Variants in ATG4B observed in about 807,000 individuals in gnomAD.
The protein encoded by ATG4B is autophagy related 4B cysteine peptidase.
ATG4B carries 29 observed loss-of-function variants against 56.6 expected under a neutral mutation model. That is an observed-to-expected ratio of 0.51 (90% confidence interval 0.38 to 0.70). ATG4B has a LOEUF of 0.70. Among genes scored for constraint, ATG4B ranks in the 30% least tolerant of loss-of-function variants. The pLI, the probability that ATG4B is intolerant of heterozygous loss-of-function variation, is 0.00. For synonymous variants in ATG4B, 224 were observed against 206.1 expected (o/e 1.09, Z -0.74); for missense variants, 461 against 515.5 (o/e 0.89, Z 1.02).
chr2:241,666,736 T>C lies in ATG4B; in HGVS notation c.630T>C (p.Ala210=). 1.9e-6 allele frequency: 3 copies of C among 1,611,118 alleles called. No homozygotes were observed. The highest frequency in any genetic ancestry group is 2.5e-6 in the Non-Finnish European group (3 of 1,178,728). The change falls in exon 8 of 13, where the codon GCT becomes GCC. Residue 210 remains alanine (A), a synonymous_variant. Coordinates refer to ENST00000404914, the MANE Select transcript of ATG4B (RefSeq NM_013325.5). ...DRHCNGFPAG[A]EVTNRPSPWR... is the part of the protein sequence containing the mutation. ...ACTGCAACGGATTCCCTGCCGGAGC[T>C]GAGGTCACCAACAGGCCGTCGCCAT...
At chr2:241,656,943 G>T (rs967751395) in intron 6 of ATG4B, among the ~76,000 whole-genome samples, 1 of 152,222 alleles carries the variant, frequency 6.6e-6, no homozygotes, top group African/African-American at 2.4e-5. Flanking sequence ...TTACAGGCGT[G>T]AGCCACCGTG....
intron 1 of ATG4B, among the ~76,000 whole-genome samples, chr2:241,646,354 C>T (rs2068059331): frequency 6.6e-6 from 1 of 152,160 alleles, no homozygotes; most frequent in Non-Finnish European, 1.5e-5. Flanking sequence ...GGAAACTAGA[C>T]ATCCTAGAAG....
At chr2:241,643,893 T>C (rs577583340) in intron 1 of ATG4B, among the ~76,000 whole-genome samples, 2 of 152,208 alleles carry the variant, frequency 1.3e-5, no homozygotes, top group South Asian at 4.2e-4. Context: ...TTTGACTCCT[T>C]TTCTATCAGG....
At chr2:241,655,235 G>T in intron 5 of ATG4B, 36 bp from the exon 6 acceptor site, 2 of 1,586,742 alleles carry the variant, frequency 1.3e-6, no homozygotes, top group Middle Eastern at 1.7e-4. Context: ...GGCTGGGGGC[G>T]GGTGTGTGTT....
chr2:241,655,699 C>G (rs1236583008), intron 6 of ATG4B, among the ~76,000 whole-genome samples: 1 of 152,136 alleles, frequency 6.6e-6, no homozygotes, highest in Non-Finnish European at 1.5e-5. Context: ...GGAGGCTGCC[C>G]TCCGCGGGCC....
At chr2:241,642,945 CTA>C (rs1481280552) in intron 1 of ATG4B, among the ~76,000 whole-genome samples, 1 of 132,534 alleles carries the variant, frequency 7.5e-6, no homozygotes, top group Non-Finnish European at 1.6e-5. Flanking sequence ...TGCAGTGGCT[CTA>C]TCTCAGCTCA....
intron 12 of ATG4B, 191 bp from the exon 13 acceptor site, chr2:241,671,997 GCTC>G (rs1336080766): frequency 2.8e-6 from 4 of 1,421,152 alleles, no homozygotes; most frequent in Non-Finnish European, 3.7e-6. Flanking sequence ...ACCCTGCCCT[GCTC>G]CTCTTCTCTG....
intron 7 of ATG4B, among the ~76,000 whole-genome samples, chr2:241,664,778 A>G (rs968332893): frequency 1.3e-5 from 2 of 152,096 alleles, no homozygotes; most frequent in Non-Finnish European, 2.9e-5. Context: ...AGCCCGGCCA[A>G]TGTGGCAAAA....
Position 241,660,344 on chromosome 2 carries a change from C to T in ATG4B, c.538+1157C>T, listed in dbSNP as rs1344277554. ...CACGCCCCTTCCCTGCCTCTCCATT[C>T]TGTTTCTTCATCGTCTGGCCATCCT... On this transcript the variant is annotated intron_variant, in intron 7 of 12. Coordinates refer to ENST00000404914, the MANE Select transcript of ATG4B (RefSeq NM_013325.5). 1.3e-5 allele frequency among the ~76,000 whole-genome samples: 2 copies of T among 152,234 alleles called. 1 individual carries two copies. The highest frequency in any genetic ancestry group is 3.8e-4 in the East Asian group (2 of 5,200).
intron 7 of ATG4B, among the ~76,000 whole-genome samples, chr2:241,661,697 G>A (rs2068598787): frequency 6.6e-6 from 1 of 152,164 alleles, no homozygotes; most frequent in East Asian, 1.9e-4. Flanking sequence ...TTTAGGTGAA[G>A]CCTGTGGGGT....
intron 1 of ATG4B, among the ~76,000 whole-genome samples, chr2:241,646,418 G>A (rs979225043): frequency 2.0e-5 from 3 of 152,074 alleles, no homozygotes; most frequent in African/African-American, 7.2e-5. Context: ...CAACAATATG[G>A]TCCTTTTCCT....
intron 7 of ATG4B, 64 bp downstream of exon 7, chr2:241,659,251 C>T (rs757899415): frequency 2.0e-5 from 28 of 1,429,740 alleles, no homozygotes; most frequent in Non-Finnish European, 2.5e-5. Context: ...CACACTTCCT[C>T]GCCTGAGTCC....
chr2:241,639,294 G>A (rs1221768611), intron 1 of ATG4B, among the ~76,000 whole-genome samples: 2 of 152,196 alleles, frequency 1.3e-5, no homozygotes, highest in South Asian at 2.1e-4. Flanking sequence ...AGGTAGTGGC[G>A]CCCAAGCAGG....
chr2:241,651,121 A>T lies in ATG4B; in HGVS notation c.112+10A>T. ...TACAGCATTTTCACAGGTATCGGCC[A>T]TGCTGGAGCCCACCCTGGTCTGACC... On this transcript the variant is annotated intron_variant, in intron 2 of 12. Transcript: ENST00000404914. The surrounding 1 kb of genome is among the most constrained non-coding windows in gnomAD (Gnocchi z 4.1). 1 of 1,609,318 alleles carries T rather than the reference A, an allele frequency of 6.2e-7. No homozygotes were observed. The highest frequency in any genetic ancestry group is 8.5e-7 in the Non-Finnish European group (1 of 1,177,262).
intron 3 of ATG4B, among the ~76,000 whole-genome samples, chr2:241,652,528 T>C (rs1341708171): frequency 6.6e-6 from 1 of 152,172 alleles, no homozygotes; most frequent in Non-Finnish European, 1.5e-5. Flanking sequence ...TTTAAAATTA[T>C]TACTTTCATT....
intron 8 of ATG4B, among the ~76,000 whole-genome samples, chr2:241,667,331 A>G (rs2068809691): frequency 6.6e-6 from 1 of 151,924 alleles, no homozygotes; most frequent in Non-Finnish European, 1.5e-5. Context: ...GGGGGCGGGG[A>G]GCGGTGGCTC....
Position 241,654,835 on chromosome 2 carries a change from G to C in ATG4B, c.385+188G>C, listed in dbSNP as rs149009894. On this transcript the variant is annotated intron_variant, in intron 5 of 12. Transcript: ENST00000404914. Reference sequence around the variant, plus strand: ...CCCCGTGTCATCCCACATCACCCCCGTCCCACCCAGGCCCAGACCCTGGGC... The same window carrying C: ...CCCCGTGTCATCCCACATCACCCCCCTCCCACCCAGGCCCAGACCCTGGGC... 2.3e-5 allele frequency: 14 copies of C among 604,890 alleles called. No homozygotes were observed. In the South Asian group the frequency reaches 2.8e-4, roughly 12 times the overall value. 37.5% of individuals were successfully genotyped at this position (604,890 alleles called of 1,614,324 possible). A position where few individuals can be genotyped will look rare whatever the true frequency, so the allele number is the denominator to read the frequency against.
intron 10 of ATG4B, among the ~76,000 whole-genome samples, chr2:241,670,314 G>A (rs574825235): frequency 9.9e-5 from 15 of 152,206 alleles, no homozygotes; most frequent in African/African-American, 3.6e-4. Context: ...AGTTCTCGGT[G>A]GCCTTTGCCG....
intron 6 of ATG4B, 75 bp from the exon 7 acceptor site, chr2:241,659,033 G>C: frequency 8.5e-7 from 1 of 1,175,512 alleles, no homozygotes; most frequent in Non-Finnish European, 1.2e-6. Flanking sequence ...ACCCTCCTTC[G>C]CGCAGCTATA....
Sources: allele counts gnomAD v4.1 joint callset (sites outside exome capture counted in the v4.1 genomes callset), GRCh38; gene constraint gnomAD v4.1.1; non-coding constraint Gnocchi (gnomAD v3.1); transcripts MANE v1.5; gene names NCBI Gene and HGNC (gene_info 2026-07-23, HGNC 2026-07-21).